The following LINGO2 variants were observed in gnomAD, a reference collection of about 807,000 sequenced individuals.
LINGO2 encodes the protein leucine-rich repeat and immunoglobulin-like domain-containing nogo receptor-interacting protein 2.
LINGO2 carries 14 observed loss-of-function variants against 30.6 expected under a neutral mutation model. The ratio of observed to expected loss-of-function variants is 0.46; its 90% confidence interval spans 0.30 to 0.72. The LOEUF is 0.72. LINGO2 is among the 30% of genes least tolerant of loss of function. LINGO2 has a pLI of 0.07. For synonymous variants in LINGO2, 317 were observed against 288.5 expected (o/e 1.10, Z -1.00); for missense variants, 729 against 751.7 (o/e 0.97, Z 0.35).
the LINGO2 span, among the ~76,000 whole-genome samples, chr9:29,071,727 A>C: frequency 1.3e-5 from 2 of 151,474 alleles, no homozygotes; most frequent in Non-Finnish European, 2.9e-5. Flanking sequence ...TATATATTGG[A>C]GAGATGGACA....
intron 4 of LINGO2, among the ~76,000 whole-genome samples, chr9:28,077,173 C>T (rs946117054): frequency 6.6e-6 from 1 of 151,908 alleles, no homozygotes; most frequent in African/African-American, 2.4e-5. Context: ...TCTGAAATCA[C>T]AAGAAAACTG....
chr9:28,306,534 C>A (rs964492884), intron 3 of LINGO2, among the ~76,000 whole-genome samples: 2 of 151,850 alleles, frequency 1.3e-5, no homozygotes, highest in Non-Finnish European at 2.9e-5. Context: ...AAAGCAAGAG[C>A]AAACACATTC....
chr9:28,527,044 G>A (rs1285436443), intron 1 of LINGO2, among the ~76,000 whole-genome samples: 2 of 152,066 alleles, frequency 1.3e-5, no homozygotes, highest in Admixed American at 6.6e-5. Context: ...TCTGGAAGAC[G>A]ACTTAAAAGT....
chr9:28,315,799 C>G (rs1276063354), intron 3 of LINGO2, among the ~76,000 whole-genome samples: 1 of 152,108 alleles, frequency 6.6e-6, no homozygotes, highest in Non-Finnish European at 1.5e-5. Flanking sequence ...ATTTCTATTT[C>G]ATATATGTTT....
At chr9:28,463,796 C>T (rs976735522) in intron 2 of LINGO2, among the ~76,000 whole-genome samples, 38 of 152,052 alleles carry the variant, frequency 2.5e-4, no homozygotes, top group African/African-American at 8.9e-4. Context: ...TAGGGTAAGC[C>T]TATGATAGCT....
At chr9:28,111,559 C>A (rs1402127290) in intron 4 of LINGO2, among the ~76,000 whole-genome samples, 1 of 152,030 alleles carries the variant, frequency 6.6e-6, no homozygotes, top group Non-Finnish European at 1.5e-5. Context: ...AGGGAATAAT[C>A]CAAGTGAATG....
At chr9:28,632,522 G>A (rs1033045534) in intron 1 of LINGO2, among the ~76,000 whole-genome samples, 10 of 148,220 alleles carry the variant, frequency 6.7e-5, no homozygotes, top group Non-Finnish European at 8.9e-5. Flanking sequence ...TCTCTCTCTC[G>A]ATATATAATA....
intron 4 of LINGO2, among the ~76,000 whole-genome samples, chr9:28,099,569 G>C (rs1447752668): frequency 1.3e-5 from 2 of 152,058 alleles, no homozygotes; most frequent in African/African-American, 4.8e-5. Flanking sequence ...CACCATCCTG[G>C]CCCAAGCCAC....
chr9:29,090,855 T>C, the LINGO2 span, among the ~76,000 whole-genome samples: 26 of 152,144 alleles, frequency 1.7e-4, no homozygotes, highest in East Asian at 3.7e-3. Flanking sequence ...CATTTTCTAT[T>C]ATGGTATTAT....
the LINGO2 span, among the ~76,000 whole-genome samples, chr9:28,764,211 A>G: frequency 6.6e-6 from 1 of 151,834 alleles, no homozygotes; most frequent in South Asian, 2.1e-4. Context: ...CCAGAAATGA[A>G]AACTACAGGC....
the LINGO2 span, among the ~76,000 whole-genome samples, chr9:29,171,798 A>G: frequency 6.6e-6 from 1 of 151,920 alleles, no homozygotes; most frequent in South Asian, 2.1e-4. Flanking sequence ...TATATAATTG[A>G]TAGAAAAGTA....
chr9:28,695,761 A>G, the LINGO2 span, among the ~76,000 whole-genome samples: 58 of 151,902 alleles, frequency 3.8e-4, no homozygotes, highest in Admixed American at 3.3e-4. Context: ...AAAAAAAAAA[A>G]AAGAAGAATG....
At chr9:28,490,590 C>T (rs572632026) in intron 1 of LINGO2, among the ~76,000 whole-genome samples, 1 of 152,268 alleles carries the variant, frequency 6.6e-6, no homozygotes, top group East Asian at 1.9e-4. Context: ...TAAAGGTAAT[C>T]TTGAATTAAT....
the LINGO2 span, among the ~76,000 whole-genome samples, chr9:28,766,447 GA>G: frequency 3.5e-4 from 50 of 144,634 alleles, 1 homozygote; most frequent in Middle Eastern, 3.5e-3. Context: ...AAGATGTGAA[GA>G]AAAAAAAAAA....
intron 1 of LINGO2, among the ~76,000 whole-genome samples, chr9:28,574,758 C>G (rs1191708844): frequency 6.6e-6 from 1 of 152,114 alleles, no homozygotes; most frequent in Non-Finnish European, 1.5e-5. Context: ...TCAATCTGCA[C>G]AAGGAATCAA....
the LINGO2 span, among the ~76,000 whole-genome samples, chr9:28,747,575 A>T: frequency 1.3e-5 from 2 of 152,048 alleles, no homozygotes; most frequent in African/African-American, 4.8e-5. Flanking sequence ...ATTACTGTGG[A>T]GCCGGAGCTC....
At chr9:29,091,220 C>T in the LINGO2 span, among the ~76,000 whole-genome samples, 27 of 151,910 alleles carry the variant, frequency 1.8e-4, no homozygotes, top group African/African-American at 5.8e-4. Context: ...AAGCAACAAA[C>T]GAATGCTCTC....
intron 3 of LINGO2, among the ~76,000 whole-genome samples, chr9:28,327,762 C>G (rs1485243819): frequency 2.0e-5 from 3 of 152,096 alleles, no homozygotes; most frequent in Non-Finnish European, 4.4e-5. Flanking sequence ...AATATACTGG[C>G]AGCTGTTCTT....
chr9:28,607,705 C>A (rs1192624347), intron 1 of LINGO2, among the ~76,000 whole-genome samples: 4 of 151,982 alleles, frequency 2.6e-5, no homozygotes. Flanking sequence ...ACCAAAAATT[C>A]CCCATCTTTC....
Sources: gnomAD v4.1 joint callset for allele counts (sites outside exome capture counted in the v4.1 genomes callset) on GRCh38, gnomAD v4.1.1 for gene constraint, MANE v1.5 for transcripts, NCBI Gene and HGNC (gene_info 2026-07-23, HGNC 2026-07-21) for gene names.